TMEM102: variants seen among roughly 807,000 people sequenced by gnomAD.
TMEM102 encodes the protein DANGER family member 2B.
Under a neutral mutation model 26.8 loss-of-function variants are expected in TMEM102, and 28 were observed. That is an observed-to-expected ratio of 1.05 (90% CI 0.77 to 1.43). The LOEUF (loss-of-function observed/expected upper bound fraction) is 1.43. Among genes scored for constraint, TMEM102 ranks in the 40% most tolerant of loss-of-function variants. The probability of loss-of-function intolerance (pLI) is 0.00; values close to 1 mark genes in which losing one functional copy is unlikely to be tolerated. For synonymous variants in TMEM102, 306 were observed against 332.1 expected (o/e 0.92, Z 0.86); for missense variants, 677 against 705.6 (o/e 0.96, Z 0.46).
chr17:7,437,187 C>G lies in TMEM102; in HGVS notation c.1208C>G (p.Ala403Gly). ...CCGCTGGTGGCCGGGACCCGGGCGG[C>G]GGCGCCCTACCTCCTGCGGACGCTG... ...LRPLVAGTRA[A>G]APYLLRTLLY... Residue 403 changes from alanine to glycine, a missense_variant, in exon 3 of 3, where the codon GCG (alanine) becomes GGG (glycine). Coordinates refer to ENST00000323206, the MANE Select transcript of TMEM102 (RefSeq NM_178518.3). This position sits in a 1 kb window ranked among gnomAD's most constrained non-coding sequence, Gnocchi z 4.2. 1 of 1,493,940 alleles carries G rather than the reference C, an allele frequency of 6.7e-7. No homozygotes were observed. The highest frequency in any genetic ancestry group is 1.3e-5 in the South Asian group (1 of 78,410). The allele number at this position is 1,493,940 out of a possible 1,614,324, so 92.5% of individuals were successfully genotyped here. A position where few individuals can be genotyped will look rare whatever the true frequency, so the allele number is the denominator to read the frequency against.
At position 7,436,365 on chromosome 17, in the gene TMEM102, A is replaced by G. The variant is rs1908018515; in HGVS notation, c.386A>G (p.Asp129Gly). ...FTLLVPMFSL[D>G]GTELQLDLES... ...CTCCTAGTGCCCATGTTTTCACTGG[A>G]CGGCACTGAACTGCAACTGGACCTG... The change falls in exon 3 of 3, where the codon GAC (aspartate) becomes GGC (glycine). Residue 129 changes from aspartate to glycine, a missense_variant. Coordinates refer to ENST00000323206, the MANE Select transcript of TMEM102 (RefSeq NM_178518.3). 6.2e-7 allele frequency: 1 copy of G among 1,613,642 alleles called. No individual in the cohort carries two copies. The highest frequency in any genetic ancestry group is 1.1e-5 in the South Asian group (1 of 91,082).
At chr17:7,435,771 G>A (rs993793227) in intron 1 of TMEM102, 75 bp downstream of exon 1, 5 of 1,067,184 alleles carry the variant, frequency 4.7e-6, no homozygotes, top group Non-Finnish European at 6.8e-6. Context: ...TGTGTCTGGG[G>A]CACTCGCTCG....
Position 7,435,693 on chromosome 17 carries a change from A to C in TMEM102, c.-23A>C. On this transcript the variant is annotated 5_prime_UTR_variant, in exon 1 of 3. Coordinates refer to ENST00000323206, the MANE Select transcript of TMEM102 (RefSeq NM_178518.3). Reference sequence around the variant, plus strand: ...CCTATGAGAAAAGGGCCAGGATAGAAGAGGTATTTATTTGTTCATTTTGAG... The same window carrying C: ...CCTATGAGAAAAGGGCCAGGATAGACGAGGTATTTATTTGTTCATTTTGAG... The C allele has an allele frequency of 1.7e-6, 1 of 605,484 alleles. No homozygotes were observed. The highest frequency in any genetic ancestry group is 2.9e-6 in the Non-Finnish European group (1 of 345,188). The allele number at this position is 605,484 out of a possible 1,614,324, so 37.5% of individuals were successfully genotyped here. A position where few individuals can be genotyped will look rare whatever the true frequency, so the allele number is the denominator to read the frequency against.
Position 7,437,294 on chromosome 17 carries a change from G to A in TMEM102, c.1315G>A (p.Asp439Asn). 6.5e-7 allele frequency: 1 copy of A among 1,547,750 alleles called. No homozygotes were observed. Among genetic ancestry groups the A allele is most frequent in the Non-Finnish European group, 8.7e-7 (1 of 1,152,824 alleles). ...NAGACCLGLLDELGRVLEAGT... is the reference protein window; with the variant it reads ...NAGACCLGLLNELGRVLEAGT... The stretch of plus-strand genomic sequence containing the variant: ...GGGCGCCTGCTGCCTCGGGCTGCTA[G>A]ACGAGCTCGGCCGAGTGCTCGAGGC... The change falls in exon 3 of 3, where the codon GAC becomes AAC. Residue 439 changes from aspartate to asparagine, a missense_variant. Coordinates refer to ENST00000323206, the MANE Select transcript of TMEM102 (RefSeq NM_178518.3). This position sits in a 1 kb window ranked among gnomAD's most constrained non-coding sequence, Gnocchi z 4.2.
chr17:7,437,246 T>C lies in TMEM102; in HGVS notation c.1267T>C (p.Tyr423His), dbSNP rs1187591592. Reference protein sequence around the residue: ...YWACERLPALYLARPENAGAC... With the variant: ...YWACERLPALHLARPENAGAC... ...GGCGTGCGAGCGGCTGCCTGCGCTC[T>C]ACCTGGCGCGGCCAGAAAATGCGGG... Residue 423 changes from tyrosine to histidine, a missense_variant, in exon 3 of 3, where the codon TAC (tyrosine) becomes CAC (histidine). Tyr to His is a moderately conservative substitution (Grantham distance 83). Coordinates refer to ENST00000323206, the MANE Select transcript of TMEM102 (RefSeq NM_178518.3). This position sits in a 1 kb window ranked among gnomAD's most constrained non-coding sequence, Gnocchi z 4.2. The C allele has an allele frequency of 1.3e-6, 2 of 1,525,104 alleles. No individual in the cohort carries two copies. The highest frequency in any genetic ancestry group is 1.2e-5 in the South Asian group (1 of 81,282). 94.5% of individuals were successfully genotyped at this position (1,525,104 alleles called of 1,614,324 possible).
chr17:7,435,613 C>G lies in TMEM102; in HGVS notation c.-103C>G, dbSNP rs1035469249. Reference sequence around the variant, plus strand: ...TACTGCATTCCGTAGGAGGAGCCAACAGTTACTTTTTACCTGCTGAGTCCG... The same window carrying G: ...TACTGCATTCCGTAGGAGGAGCCAAGAGTTACTTTTTACCTGCTGAGTCCG... On this transcript the variant is annotated 5_prime_UTR_variant, in exon 1 of 3. Coordinates refer to ENST00000323206, the MANE Select transcript of TMEM102 (RefSeq NM_178518.3). 9.2e-6 allele frequency: 4 copies of G among 436,194 alleles called. 1 individual carries two copies. The highest frequency in any genetic ancestry group is 1.6e-5 in the Non-Finnish European group (4 of 243,704). 27.0% of individuals were successfully genotyped at this position (436,194 alleles called of 1,614,324 possible). A position where few individuals can be genotyped will look rare whatever the true frequency, so the allele number is the denominator to read the frequency against.
chr17:7,437,475 G>T lies in TMEM102; in HGVS notation c.1496G>T (p.Gly499Val). 1 of 1,406,290 alleles carries T rather than the reference G, an allele frequency of 7.1e-7. No individual in the cohort carries two copies. Among genetic ancestry groups the T allele is most frequent in the Non-Finnish European group, 9.2e-7 (1 of 1,081,240 alleles). The allele number at this position is 1,406,290 out of a possible 1,614,324, so 87.1% of individuals were successfully genotyped here. ...GCCAAAGTGGCCCGCAAGGGGGGCG[G>T]TTTGGCGGGCGTGGGGGGCGGGGCC... ...EEAKVARKGGGLAGVGGGAH is the reference protein window; with the variant it reads ...EEAKVARKGGVLAGVGGGAH The change falls in exon 3 of 3, where the codon GGT becomes GTT. Residue 499 changes from glycine (G) to valine (V), a missense_variant. Gly to Val is a moderately radical substitution (Grantham distance 109). Coordinates refer to ENST00000323206, the MANE Select transcript of TMEM102 (RefSeq NM_178518.3). The surrounding 1 kb of genome is among the most constrained non-coding windows in gnomAD (Gnocchi z 4.2).
rs766583735 is a variant in TMEM102, at chr17:7,436,038, C to T, written c.167C>T (p.Pro56Leu). 6.2e-6 allele frequency: 10 copies of T among 1,613,626 alleles called. No homozygotes were observed. In the Admixed American group the frequency reaches 8.3e-5, roughly 13 times the overall value. Residue 56 changes from proline (P) to leucine (L), a missense_variant, in exon 2 of 3, where the codon CCG (proline) becomes CTG (leucine). Coordinates refer to ENST00000323206, the MANE Select transcript of TMEM102 (RefSeq NM_178518.3). The stretch of plus-strand genomic sequence containing the variant: ...GAGAGCTGGAGTGACGGGCCCAAGC[C>T]GGGAGCCGATCTCCTCCGGGCCAAG... Reference protein sequence around the residue: ...VQESWSDGPKPGADLLRAKDF... With the variant: ...VQESWSDGPKLGADLLRAKDF...
Position 7,436,096 on chromosome 17 carries a change from C to T in TMEM102, c.214+11C>T. 1 of 1,611,560 alleles carries T rather than the reference C, an allele frequency of 6.2e-7. No homozygotes were observed. Among genetic ancestry groups the T allele is most frequent in the African/African-American group, 1.3e-5 (1 of 75,028 alleles). On this transcript the variant is annotated intron_variant, in intron 2 of 2. Transcript: ENST00000323206. Reference sequence around the variant, plus strand: ...TCTTCTCTTTGCTTGGTAAGTAACCCTACTTGCCTTTGGGAACTCACAGCT... The same window carrying T: ...TCTTCTCTTTGCTTGGTAAGTAACCTTACTTGCCTTTGGGAACTCACAGCT...
Position 7,436,469 on chromosome 17 carries a change from G to A in TMEM102, c.490G>A (p.Gly164Arg), listed in dbSNP as rs1908023976. ...PIREMWQDCL[G>R]PPVPGARDSI... Reference sequence around the variant, plus strand: ...CCGGGAGATGTGGCAGGATTGCTTAGGACCCCCAGTCCCAGGAGCACGTGA... The same window carrying A: ...CCGGGAGATGTGGCAGGATTGCTTAAGACCCCCAGTCCCAGGAGCACGTGA... The change falls in exon 3 of 3, where the codon GGA becomes AGA. Residue 164 changes from glycine (G) to arginine (R), a missense_variant. Coordinates refer to ENST00000323206, the MANE Select transcript of TMEM102 (RefSeq NM_178518.3). The A allele has an allele frequency of 6.2e-7, 1 of 1,613,644 alleles. No individual in the cohort carries two copies. The highest frequency in any genetic ancestry group is 8.5e-7 in the Non-Finnish European group (1 of 1,180,046).
rs750667178 is a variant in TMEM102, at chr17:7,435,954, T to G, written c.83T>G (p.Phe28Cys). The G allele has an allele frequency of 4.4e-5, 71 of 1,612,922 alleles. No individual in the cohort carries two copies. The highest frequency in any genetic ancestry group is 3.4e-5 in the Non-Finnish European group (40 of 1,179,956). ...GCTCGGCCGCTCACGGACATCGACT[T>G]CTGCTCCGGGGCGCAGCTGCAGGAA... The part of the protein sequence containing the change: ...APARPLTDID[F>C]CSGAQLQELT... Residue 28 changes from phenylalanine (F) to cysteine (C), a missense_variant, in exon 2 of 3, where the codon TTC (phenylalanine) becomes TGC (cysteine). Phe to Cys is a radical substitution (Grantham distance 205). Transcript: ENST00000323206.
Position 7,436,333 on chromosome 17 carries a change from C to G in TMEM102, c.354C>G (p.Gly118=). Reference sequence around the variant, plus strand: ...CCCGGGGACCTCACTACGATGCCGGCTTCACACTCCTAGTGCCCATGTTTT... The same window carrying G: ...CCCGGGGACCTCACTACGATGCCGGGTTCACACTCCTAGTGCCCATGTTTT... The part of the protein sequence containing the change: ...PYARGPHYDA[G]FTLLVPMFSL... The change falls in exon 3 of 3, where the codon GGC becomes GGG. Residue 118 remains glycine, a synonymous_variant. Transcript: ENST00000323206. The G allele has an allele frequency of 1.2e-6, 2 of 1,613,790 alleles. No homozygotes were observed. Among genetic ancestry groups the G allele is most frequent in the African/African-American group, 1.3e-5 (1 of 75,046 alleles).
In TMEM102 at chr17:7,436,299, G is replaced by A; in HGVS notation, c.320G>A (p.Gly107Asp). ...CTGGATCTGGGGCATGCACCCCTGG[G>A]TCCCTACGCCCGGGGACCTCACTAC... ...GSLDLGHAPL[G>D]PYARGPHYDA... Residue 107 changes from glycine (G) to aspartate (D), a missense_variant, in exon 3 of 3, where the codon GGT becomes GAT. By Grantham distance (94) the Gly-to-Asp change is moderately conservative. Transcript: ENST00000323206. The A allele has an allele frequency of 6.2e-7, 1 of 1,613,726 alleles. No homozygotes were observed. Among genetic ancestry groups the A allele is most frequent in the East Asian group, 2.2e-5 (1 of 44,882 alleles).
rs1907985033 is a variant in TMEM102 at position 7,435,767 on chromosome 17, T to C, written c.-20+71T>C. On this transcript the variant is annotated intron_variant, in intron 1 of 2. Transcript: ENST00000323206. ...TACAGACCCATTTGTAGGTTGTGTCTGGGGCACTCGCTCGGCCTCAGGAAG... is the reference window on the plus strand; with the variant it reads ...TACAGACCCATTTGTAGGTTGTGTCCGGGGCACTCGCTCGGCCTCAGGAAG... 8 of 1,032,636 alleles carry C rather than the reference T, an allele frequency of 7.7e-6. No individual in the cohort carries two copies. The Admixed American group carries it at 1.1e-4, about 15-fold the overall frequency. The allele number at this position is 1,032,636 out of a possible 1,614,324, so 64.0% of individuals were successfully genotyped here. A position where few individuals can be genotyped will look rare whatever the true frequency, so the allele number is the denominator to read the frequency against.
At position 7,437,012 on chromosome 17, in the gene TMEM102, G is replaced by T. The variant is rs1283532174; in HGVS notation, c.1033G>T (p.Ala345Ser). 1 of 1,596,602 alleles carries T rather than the reference G, an allele frequency of 6.3e-7. No homozygotes were observed. Among genetic ancestry groups the T allele is most frequent in the South Asian group, 1.1e-5 (1 of 90,326 alleles). The change falls in exon 3 of 3, where the codon GCT becomes TCT. Residue 345 changes from alanine (A) to serine (S), a missense_variant. Physicochemically the swap from Ala to Ser is moderately conservative, Grantham distance 99. Coordinates refer to ENST00000323206, the MANE Select transcript of TMEM102 (RefSeq NM_178518.3). This position sits in a 1 kb window ranked among gnomAD's most constrained non-coding sequence, Gnocchi z 4.2. ...GGCCGGTCCGCTGGCCTCTGAGTCG[G>T]CTTCCTTCTACCTGGTGCCCGGTGG... is the stretch of plus-strand genomic sequence containing the variant. ...SWAGPLASES[A>S]SFYLVPGGGT...
Position 7,436,886 on chromosome 17 carries a change from C to G in TMEM102, c.907C>G (p.Leu303Val). ...AARHAGFTTV[L>V]LATPEPPRRL... ...TCGCCACGCGGGTTTCACCACCGTC[C>G]TCCTGGCTACCCCTGAGCCCCCTCG... The change falls in exon 3 of 3, where the codon CTC becomes GTC. Residue 303 changes from leucine (L) to valine (V), a missense_variant. Physicochemically the swap from Leu to Val is conservative, Grantham distance 32. Coordinates refer to ENST00000323206, the MANE Select transcript of TMEM102 (RefSeq NM_178518.3). 6.2e-7 allele frequency: 1 copy of G among 1,611,016 alleles called. No homozygotes were observed. The highest frequency in any genetic ancestry group is 8.5e-7 in the Non-Finnish European group (1 of 1,179,902).
At position 7,436,515 on chromosome 17, in the gene TMEM102, G is replaced by A; in HGVS notation, c.536G>A (p.Ser179Asn). 1.9e-6 allele frequency: 3 copies of A among 1,613,952 alleles called. No homozygotes were observed. The highest frequency in any genetic ancestry group is 2.5e-6 in the Non-Finnish European group (3 of 1,180,030). ...CGTGATTCGATCCACCGAACGGAGA[G>A]CGAAGAAAGTTCCAAGGACTGGCAA... ...GARDSIHRTE[S>N]EESSKDWQSS... is the part of the protein sequence containing the mutation. Residue 179 changes from serine (S) to asparagine (N), a missense_variant, in exon 3 of 3, where the codon AGC (serine) becomes AAC (asparagine). Ser to Asn is a conservative substitution (Grantham distance 46, BLOSUM62 1). Transcript: ENST00000323206.
Position 7,437,570 on chromosome 17 carries a change from G to T in TMEM102, c.*64G>T. On this transcript the variant is annotated 3_prime_UTR_variant, in exon 3 of 3. Coordinates refer to ENST00000323206, the MANE Select transcript of TMEM102 (RefSeq NM_178518.3). This position sits in a 1 kb window ranked among gnomAD's most constrained non-coding sequence, Gnocchi z 4.2. ...GAGCGGGACGTGGGGGGCCCTGCTC[G>T]CCCCTCGCCAGGGGGACTGACTGTG... 3 of 1,146,696 alleles carry T rather than the reference G, an allele frequency of 2.6e-6. No individual in the cohort carries two copies. Among genetic ancestry groups the T allele is most frequent in the South Asian group, 4.2e-5 (2 of 47,850 alleles). 71.0% of individuals were successfully genotyped at this position (1,146,696 alleles called of 1,614,324 possible).
rs778217331 is a variant in TMEM102 at position 7,436,132 on chromosome 17, C to T, written c.214+47C>T. The T allele has an allele frequency of 6.2e-6, 10 of 1,603,290 alleles. No individual in the cohort carries two copies. The South Asian group carries it at 1.1e-4, about 18-fold the overall frequency. ...TGGGAACTCACAGCTCTCAGCCTCA[C>T]CACGCCCCCGCCCCCGCCCCGGCTT... On this transcript the variant is annotated intron_variant, in intron 2 of 2. Coordinates refer to ENST00000323206, the MANE Select transcript of TMEM102 (RefSeq NM_178518.3).
Sources: allele counts gnomAD v4.1 joint callset, GRCh38; gene constraint gnomAD v4.1.1; non-coding constraint Gnocchi (gnomAD v3.1); transcripts MANE v1.5; gene names NCBI Gene and HGNC (gene_info 2026-07-23, HGNC 2026-07-21).